PALLD: variants seen among roughly 807,000 people sequenced by gnomAD.
The protein encoded by PALLD is palladin.
Under a neutral mutation model 123.5 loss-of-function variants are expected in PALLD, and 61 were observed. The observed-to-expected ratio is 0.49, with a 90% CI of 0.40 to 0.61. PALLD has a LOEUF of 0.61. Among genes scored for constraint, PALLD ranks in the 20% least tolerant of loss-of-function variants. The pLI, the probability that PALLD is intolerant of heterozygous loss-of-function variation, is 0.00. For missense variants in PALLD, 1,273 were observed against 1,377.0 expected (o/e 0.92, Z 1.20); for synonymous variants, 465 against 496.4 (o/e 0.94, Z 0.84).
intron 2 of PALLD, among the ~76,000 whole-genome samples, chr4:168,625,561 A>G (rs1210191397): frequency 7.8e-6 from 1 of 127,724 alleles, no homozygotes; most frequent in Non-Finnish European, 1.8e-5. Context: ...TATATCTCCT[A>G]CAACTCAACA....
chr4:168,808,325 A>C (rs1740542044), intron 10 of PALLD, among the ~76,000 whole-genome samples: 2 of 151,654 alleles, frequency 1.3e-5, no homozygotes, highest in African/African-American at 4.8e-5. Flanking sequence ...CTAAAAATAC[A>C]AAAAATTAGC....
intron 12 of PALLD, among the ~76,000 whole-genome samples, chr4:168,896,196 G>A (rs978806471): frequency 2.6e-4 from 35 of 136,166 alleles, no homozygotes; most frequent in African/African-American, 7.8e-4. Flanking sequence ...GTGACAGAGC[G>A]AGACTCCATC....
chr4:168,503,656 A>AAAAAAAG (rs1554031083), intron 1 of PALLD, among the ~76,000 whole-genome samples: 21 of 151,972 alleles, frequency 1.4e-4, no homozygotes, highest in African/African-American at 5.1e-4. Context: ...CAAAAAAAAA[A>AAAAAAAG]AAAAAGAAAA....
At chr4:168,606,491 G>A (rs1257971663) in intron 2 of PALLD, among the ~76,000 whole-genome samples, 1 of 151,928 alleles carries the variant, frequency 6.6e-6, no homozygotes, top group Admixed American at 6.6e-5. Flanking sequence ...TGGCTAACAC[G>A]GTGAAACCCC....
chr4:168,542,685 ATG>A (rs1332907509), intron 2 of PALLD, among the ~76,000 whole-genome samples: 1 of 116,920 alleles, frequency 8.6e-6, no homozygotes. Flanking sequence ...ATATATATAT[ATG>A]GTTTACATGT....
At chr4:168,756,651 T>C (rs190084292) in intron 10 of PALLD, among the ~76,000 whole-genome samples, 1 of 152,240 alleles carries the variant, frequency 6.6e-6, no homozygotes, top group East Asian at 1.9e-4. Flanking sequence ...GAGAGCAATT[T>C]GGGAGGTGGA....
intron 10 of PALLD, among the ~76,000 whole-genome samples, chr4:168,879,537 T>C (rs1303508693): frequency 6.6e-6 from 1 of 152,212 alleles, no homozygotes; most frequent in Non-Finnish European, 1.5e-5. Flanking sequence ...ATTCAAGTTA[T>C]TTTCATTCAT....
At chr4:168,597,835 T>C (rs554857523) in intron 2 of PALLD, among the ~76,000 whole-genome samples, 49 of 152,308 alleles carry the variant, frequency 3.2e-4, no homozygotes, top group Admixed American at 5.9e-4. Context: ...ACCATATCAA[T>C]GTTAAAGACC....
At chr4:168,524,086 T>C (rs895510120) in intron 2 of PALLD, among the ~76,000 whole-genome samples, 5 of 152,226 alleles carry the variant, frequency 3.3e-5, no homozygotes, top group Non-Finnish European at 7.3e-5. Context: ...TTCTAAGACA[T>C]CTATTTTACA....
chr4:168,786,096 G>A (rs1285398786), intron 10 of PALLD, among the ~76,000 whole-genome samples: 2 of 151,748 alleles, frequency 1.3e-5, no homozygotes, highest in Admixed American at 6.6e-5. Flanking sequence ...TTGAGAGGCC[G>A]AGGAGGGCGG....
chr4:168,685,235 G>A (rs539927346), intron 5 of PALLD, among the ~76,000 whole-genome samples: 1 of 152,164 alleles, frequency 6.6e-6, no homozygotes, highest in Non-Finnish European at 1.5e-5. Flanking sequence ...TTAAAAGCTC[G>A]TGGATCCCCA....
At chr4:168,719,377 C>T (rs1172355190) in intron 10 of PALLD, among the ~76,000 whole-genome samples, 6 of 150,088 alleles carry the variant, frequency 4.0e-5, no homozygotes, top group Non-Finnish European at 3.0e-5. Context: ...CCTGCCTCAG[C>T]CTCCCAAGTA....
intron 5 of PALLD, among the ~76,000 whole-genome samples, chr4:168,684,810 C>T (rs760582124): frequency 6.6e-5 from 10 of 152,184 alleles, no homozygotes; most frequent in Non-Finnish European, 1.0e-4. Context: ...CACACGATAC[C>T]AGATCACCAT....
chr4:168,712,212 C>T (rs1784899754), intron 10 of PALLD: 3 of 509,066 alleles, frequency 5.9e-6, no homozygotes, highest in East Asian at 3.5e-5. Flanking sequence ...GATGTAGCCA[C>T]TCCCTGGAGG....
chr4:168,623,384 A>ACAAAC (rs1428674501), intron 2 of PALLD, among the ~76,000 whole-genome samples: 1 of 152,244 alleles, frequency 6.6e-6, no homozygotes, highest in East Asian at 1.9e-4. Flanking sequence ...AGTTACAAAT[A>ACAAAC]CAAACATGTG....
chr4:168,502,998 A>T (rs1182900664), intron 1 of PALLD, among the ~76,000 whole-genome samples: 1 of 152,214 alleles, frequency 6.6e-6, no homozygotes, highest in East Asian at 1.9e-4. Flanking sequence ...TCATCAGAAC[A>T]TTTCCTGCCT....
At chr4:168,645,210 G>A (rs567790671) in intron 2 of PALLD, among the ~76,000 whole-genome samples, 18 of 151,954 alleles carry the variant, frequency 1.2e-4, no homozygotes, top group African/African-American at 4.3e-4. Context: ...ATCCCAATCC[G>A]TAAAATGAAG....
At chr4:168,886,821 CTTG>C (rs1448805204) in intron 10 of PALLD, among the ~76,000 whole-genome samples, 8 of 152,034 alleles carry the variant, frequency 5.3e-5, no homozygotes, top group African/African-American at 1.9e-4. Flanking sequence ...AAGGAAGTGA[CTTG>C]TTATAAGATA....
At chr4:168,761,645 GTTTTTTTTTTTTTTT>G (rs70961555) in intron 10 of PALLD, among the ~76,000 whole-genome samples, 19 of 88,022 alleles carry the variant, frequency 2.2e-4, no homozygotes, top group East Asian at 4.1e-4. Flanking sequence ...GTTGTTGTTT[GTTTTTTTTTTTTTTT>G]TTTTTTTTTT....
Sources: allele counts gnomAD v4.1 joint callset (sites outside exome capture counted in the v4.1 genomes callset), GRCh38; gene constraint gnomAD v4.1.1; transcripts MANE v1.5; gene names NCBI Gene and HGNC (gene_info 2026-07-23, HGNC 2026-07-21).